PAK5: variants seen among roughly 807,000 people sequenced by gnomAD.
PAK5 encodes the protein p21 (RAC1) activated kinase 5.
A neutral mutation model predicts 65.9 loss-of-function variants in PAK5; 16 were observed. That is an observed-to-expected ratio of 0.24 (90% CI 0.16 to 0.37). The LOEUF (loss-of-function observed/expected upper bound fraction) is 0.37, where lower values mean the gene tolerates loss of function less well. PAK5 is among the 10% of genes least tolerant of loss of function. PAK5 has a pLI of 1.00. For synonymous variants in PAK5, 371 were observed against 354.9 expected (o/e 1.05, Z -0.51); for missense variants, 785 against 903.9 (o/e 0.87, Z 1.69).
Position 9,769,299 on chromosome 20 carries a change from G to C in PAK5, c.-161-57864C>G, listed in dbSNP as rs577885770. On this transcript the variant is annotated intron_variant, in intron 1 of 9. Coordinates refer to ENST00000353224, the MANE Select transcript of PAK5 (RefSeq NM_177990.4). ...GCTGTCTTCTCTCCTAATCAGTATAGCGAATATTATCTGTTAATTCTGCCC... is the reference window on the plus strand; with the variant it reads ...GCTGTCTTCTCTCCTAATCAGTATACCGAATATTATCTGTTAATTCTGCCC... Among the ~76,000 whole-genome samples, 14 of 152,294 alleles carry C rather than the reference G, an allele frequency of 9.2e-5. No individual in the cohort carries two copies. In the South Asian group the frequency reaches 2.1e-3, roughly 23 times the overall value.
chr20:9,785,682 A>G (rs2048985084), intron 1 of PAK5, among the ~76,000 whole-genome samples: 1 of 152,198 alleles, frequency 6.6e-6, no homozygotes, highest in Admixed American at 6.6e-5. Flanking sequence ...GGCATAGGAG[A>G]GGAAAGTATT....
At chr20:9,767,794 A>AT (rs1368260103) in intron 1 of PAK5, among the ~76,000 whole-genome samples, 2 of 152,040 alleles carry the variant, frequency 1.3e-5, no homozygotes, top group Non-Finnish European at 2.9e-5. Context: ...TCTAGGGGAT[A>AT]TTTTTTCAAC....
intron 2 of PAK5, among the ~76,000 whole-genome samples, chr20:9,671,349 A>G (rs924955895): frequency 2.0e-5 from 3 of 152,146 alleles, no homozygotes; most frequent in South Asian, 2.1e-4. Context: ...CATTGAATCT[A>G]TAAATTACCT....
intron 2 of PAK5, among the ~76,000 whole-genome samples, chr20:9,659,833 T>C (rs926812701): frequency 1.3e-5 from 2 of 152,172 alleles, no homozygotes; most frequent in Non-Finnish European, 2.9e-5. Context: ...ATAGAAATGG[T>C]AGTCCTGTTG....
chr20:9,657,409 T>G (rs928250183), intron 2 of PAK5, among the ~76,000 whole-genome samples: 1 of 152,150 alleles, frequency 6.6e-6, no homozygotes, highest in Non-Finnish European at 1.5e-5. Flanking sequence ...GAGGGATAGT[T>G]TGGTTGTTTC....
chr20:9,733,733 C>T (rs1292300996), intron 1 of PAK5, among the ~76,000 whole-genome samples: 2 of 152,156 alleles, frequency 1.3e-5, no homozygotes, highest in East Asian at 1.9e-4. Flanking sequence ...GTGTGAGACA[C>T]CGCACCTGGC....
chr20:9,550,279 A>T (rs2045406468), intron 7 of PAK5, among the ~76,000 whole-genome samples: 1 of 152,192 alleles, frequency 6.6e-6, no homozygotes, highest in Admixed American at 6.5e-5. Flanking sequence ...AGAGGCTGCA[A>T]CTGTGATGTA....
At chr20:9,778,106 T>C (rs1203876597) in intron 1 of PAK5, among the ~76,000 whole-genome samples, 1 of 152,236 alleles carries the variant, frequency 6.6e-6, no homozygotes, top group East Asian at 1.9e-4. Flanking sequence ...CTTGTGTTTA[T>C]TGTTATTTTT....
At chr20:9,771,969 C>T (rs1331116054) in intron 1 of PAK5, among the ~76,000 whole-genome samples, 2 of 152,050 alleles carry the variant, frequency 1.3e-5, no homozygotes, top group Admixed American at 6.6e-5. Flanking sequence ...ACCCGAGAGG[C>T]CGAAGATACA....
chr20:9,677,981 A>G (rs1367040128), intron 2 of PAK5, among the ~76,000 whole-genome samples: 1 of 152,208 alleles, frequency 6.6e-6, no homozygotes, highest in Non-Finnish European at 1.5e-5. Context: ...CCTATAGTTG[A>G]AATTATTCTG....
intron 3 of PAK5, among the ~76,000 whole-genome samples, chr20:9,596,319 G>C (rs2046262883): frequency 6.6e-6 from 1 of 152,094 alleles, no homozygotes; most frequent in South Asian, 2.1e-4. Flanking sequence ...ATAAAAAGCT[G>C]CCAATGTCTT....
At chr20:9,571,550 G>A (rs978643465) in intron 4 of PAK5, among the ~76,000 whole-genome samples, 1 of 152,338 alleles carries the variant, frequency 6.6e-6, no homozygotes, top group South Asian at 2.1e-4. Context: ...TGGCCCACAG[G>A]CCGGCTCCCT....
intron 2 of PAK5, among the ~76,000 whole-genome samples, chr20:9,684,271 T>C (rs1269065436): frequency 6.6e-6 from 1 of 152,210 alleles, no homozygotes; most frequent in Non-Finnish European, 1.5e-5. Context: ...ACACTAGTTA[T>C]GTGACCCTGG....
chr20:9,774,590 A>G (rs1261713448), intron 1 of PAK5, among the ~76,000 whole-genome samples: 1 of 152,202 alleles, frequency 6.6e-6, no homozygotes. Flanking sequence ...TAAAAATTGG[A>G]TATAATCCAC....
intron 4 of PAK5, among the ~76,000 whole-genome samples, chr20:9,567,241 C>T (rs1343812230): frequency 1.3e-5 from 2 of 152,098 alleles, no homozygotes; most frequent in East Asian, 3.9e-4. Flanking sequence ...CAACACAGTG[C>T]TGGATACATA....
intron 2 of PAK5, among the ~76,000 whole-genome samples, chr20:9,686,794 C>T (rs1466881000): frequency 6.6e-6 from 1 of 152,134 alleles, no homozygotes; most frequent in Non-Finnish European, 1.5e-5. Context: ...CTGATACATT[C>T]TTGAAGTTTA....
At position 9,562,902 on chromosome 20, in the gene PAK5, C is replaced by T. The variant is rs2045613459; in HGVS notation, c.1605G>A (p.Val535=). The change falls in exon 6 of 10, where the codon GTG becomes GTA. Residue 535 remains valine, a synonymous_variant. Transcript: ENST00000353224. ...ATAAAGAAGCCTACCTGGTGTGAGTCACAATGTCTGTCAAGGCACCACCTT... is the reference window on the plus strand; with the variant it reads ...ATAAAGAAGCCTACCTGGTGTGAGTTACAATGTCTGTCAAGGCACCACCTT... ...FLEGGALTDI[V]THTRMNEEQI... The T allele has an allele frequency of 6.2e-7, 1 of 1,613,500 alleles. No individual in the cohort carries two copies. Among genetic ancestry groups the T allele is most frequent in the Admixed American group, 1.7e-5 (1 of 59,870 alleles).
chr20:9,775,919 T>A (rs1050906551), intron 1 of PAK5, among the ~76,000 whole-genome samples: 1 of 152,238 alleles, frequency 6.6e-6, no homozygotes, highest in African/African-American at 2.4e-5. Flanking sequence ...TAAGATAAAT[T>A]GATTTTTCTT....
intron 3 of PAK5, among the ~76,000 whole-genome samples, chr20:9,602,877 A>T (rs1012408296): frequency 4.6e-5 from 7 of 152,246 alleles, no homozygotes; most frequent in Non-Finnish European, 1.0e-4. Context: ...AATCTACTCT[A>T]ACTAGAAAAT....
Sources: gnomAD v4.1 joint callset for allele counts (sites outside exome capture counted in the v4.1 genomes callset) on GRCh38, gnomAD v4.1.1 for gene constraint, MANE v1.5 for transcripts, NCBI Gene and HGNC (gene_info 2026-07-23, HGNC 2026-07-21) for gene names.